WDR11: variants seen among roughly 807,000 people sequenced by gnomAD.
The protein encoded by WDR11 is WD repeat-containing protein 11.
In WDR11, 83 loss-of-function variants were observed where a neutral mutation model predicts 151.2. The ratio of observed to expected loss-of-function variants is 0.55; its 90% CI spans 0.46 to 0.66. The LOEUF is 0.66. Among genes scored for constraint, WDR11 ranks in the 30% least tolerant of loss-of-function variants. The pLI, the probability that WDR11 is intolerant of heterozygous loss-of-function variation, is 0.00. For missense variants in WDR11, 1,301 were observed against 1,480.9 expected, an observed-to-expected ratio of 0.88 and a Z score of 1.99; for synonymous variants, 484 against 533.1, an observed-to-expected ratio of 0.91 and a Z score of 1.27.
At chr10:120,898,771 G>GT (rs1173558640) in intron 19 of WDR11, among the ~76,000 whole-genome samples, 9 of 150,014 alleles carry the variant, frequency 6.0e-5, no homozygotes, top group Non-Finnish European at 1.2e-4. Flanking sequence ...TGCCATGATT[G>GT]TAAGTTTGCC....
Position 120,889,906 on chromosome 10 carries a change from C to A in WDR11, c.2240C>A (p.Thr747Lys), listed in dbSNP as rs141431609. The change falls in exon 18 of 29, where the codon ACA becomes AAA. Residue 747 changes from threonine to lysine, a missense_variant. Around this residue, in one of 3 missense-constraint regions of WDR11, gnomAD observed 589 missense variants for 670.6 expected, o/e 0.88. Coordinates refer to ENST00000263461, the MANE Select transcript of WDR11 (RefSeq NM_018117.12). ...LKGRVSRGIP[T>K]HRSWVRKIRF... Reference sequence around the variant, plus strand: ...TTCTTTGTCTTCAGAGGAATACCCACACACCGAAGTTGGGTGAGGAAGATT... The same window carrying A: ...TTCTTTGTCTTCAGAGGAATACCCAAACACCGAAGTTGGGTGAGGAAGATT... 1 of 1,613,398 alleles carries A rather than the reference C, an allele frequency of 6.2e-7. No homozygotes were observed. Among genetic ancestry groups the A allele is most frequent in the Non-Finnish European group, 8.5e-7 (1 of 1,179,368 alleles).
At chr10:120,855,582 A>G (rs1005823725) in intron 2 of WDR11, among the ~76,000 whole-genome samples, 2 of 152,036 alleles carry the variant, frequency 1.3e-5, no homozygotes, top group Admixed American at 6.5e-5. Context: ...GCTTTCTCCA[A>G]TATCAAGAAG....
At chr10:120,875,984 T>TC (rs1160882831) in intron 11 of WDR11, among the ~76,000 whole-genome samples, 7 of 148,048 alleles carry the variant, frequency 4.7e-5, no homozygotes, top group Middle Eastern at 3.5e-3. Context: ...TTTTCTTTTT[T>TC]TTTTTTTTTT....
intron 4 of WDR11, among the ~76,000 whole-genome samples, chr10:120,861,108 A>G (rs767338981): frequency 6.6e-6 from 1 of 152,226 alleles, no homozygotes; most frequent in Non-Finnish European, 1.5e-5. Flanking sequence ...TGGTCAAAGT[A>G]GGCTTCACTT....
At chr10:120,888,029 A>G (rs1847285086) in intron 16 of WDR11, among the ~76,000 whole-genome samples, 1 of 152,004 alleles carries the variant, frequency 6.6e-6, no homozygotes, top group African/African-American at 2.4e-5. Flanking sequence ...TACGGTATTC[A>G]GTGTGTGTGC....
At chr10:120,878,529 G>A (rs1846884419) in intron 12 of WDR11, 70 bp downstream of exon 12, 1 of 1,285,932 alleles carries the variant, frequency 7.8e-7, no homozygotes, top group African/African-American at 1.5e-5. Flanking sequence ...AAACATGTTT[G>A]AAAGTACTTC....
intron 19 of WDR11, 140 bp downstream of exon 19, chr10:120,891,027 C>T (rs1394945018): frequency 1.1e-6 from 1 of 896,732 alleles, no homozygotes; most frequent in Non-Finnish European, 1.7e-6. Context: ...AATATATTAA[C>T]TTGAAGCTTG....
At chr10:120,861,592 T>G (rs76467178) in intron 4 of WDR11, among the ~76,000 whole-genome samples, 1,999 of 152,312 alleles carry the variant, frequency 0.013, 17 homozygotes, top group Non-Finnish European at 0.018. Flanking sequence ...TGTAATTTGG[T>G]TGATGAAAGC....
At chr10:120,868,724 A>G (rs886877754) in intron 9 of WDR11, 11 of 152,300 alleles carry the variant, frequency 7.2e-5, no homozygotes, top group African/African-American at 2.4e-4. Flanking sequence ...GCTCCTTAGC[A>G]ATGGCCTCCA....
At chr10:120,892,535 A>G (rs1847461535) in intron 19 of WDR11, among the ~76,000 whole-genome samples, 1 of 151,102 alleles carries the variant, frequency 6.6e-6, no homozygotes, top group Admixed American at 6.6e-5. Flanking sequence ...GGTCTTGAGG[A>G]AAAAAAGTTT....
chr10:120,867,860 T>C (rs1357516853), intron 9 of WDR11, among the ~76,000 whole-genome samples: 2 of 152,216 alleles, frequency 1.3e-5, no homozygotes, highest in Non-Finnish European at 2.9e-5. Flanking sequence ...ATTATTTTTA[T>C]GTTGGGGATT....
intron 4 of WDR11, 141 bp from the exon 5 acceptor site, chr10:120,862,594 C>A: frequency 1.2e-6 from 1 of 861,878 alleles, no homozygotes; most frequent in Non-Finnish European, 1.9e-6. Flanking sequence ...AGAGAACATT[C>A]CCATTATGTT....
intron 9 of WDR11, among the ~76,000 whole-genome samples, chr10:120,870,327 A>G (rs1191574205): frequency 6.6e-6 from 1 of 152,116 alleles, no homozygotes; most frequent in Non-Finnish European, 1.5e-5. Context: ...GTGTGTAGAC[A>G]TGTATGTATA....
chr10:120,899,856 T>A (rs1206628552), intron 19 of WDR11, 173 bp from the exon 20 acceptor site: 2 of 627,004 alleles, frequency 3.2e-6, no homozygotes, highest in Non-Finnish European at 5.6e-6. Context: ...ATGCAGAGAC[T>A]CTCTCTGCTC....
rs188937654 is a variant in WDR11 at position 120,867,008 on chromosome 10, C to T, written c.1191-58C>T. ...AATCTGGACTTAATACTTTGAATTC[C>T]TAATACGTAATGCAGATTTTAAGTA... On this transcript the variant is annotated intron_variant, in intron 8 of 28. Coordinates refer to ENST00000263461, the MANE Select transcript of WDR11 (RefSeq NM_018117.12). 1.8e-5 allele frequency: 25 copies of T among 1,387,376 alleles called. No homozygotes were observed. The African/African-American group carries it at 3.1e-4, about 17-fold the overall frequency. 85.9% of individuals were successfully genotyped at this position (1,387,376 alleles called of 1,614,324 possible). A position where few individuals can be genotyped will look rare whatever the true frequency, so the allele number is the denominator to read the frequency against.
At chr10:120,888,016 T>G (rs1847284168) in intron 16 of WDR11, among the ~76,000 whole-genome samples, 1 of 152,170 alleles carries the variant, frequency 6.6e-6, no homozygotes, top group Non-Finnish European at 1.5e-5. Flanking sequence ...TTACCAGAGT[T>G]TTTACGGTAT....
At chr10:120,857,862 C>T (rs1047621758) in intron 2 of WDR11, among the ~76,000 whole-genome samples, 1 of 152,134 alleles carries the variant, frequency 6.6e-6, no homozygotes, top group Non-Finnish European at 1.5e-5. Context: ...ATGGAACTTA[C>T]AGTTGATGGA....
At chr10:120,861,868 T>G (rs1846151792) in intron 4 of WDR11, among the ~76,000 whole-genome samples, 1 of 152,186 alleles carries the variant, frequency 6.6e-6, no homozygotes. Context: ...TTTTGTTTCA[T>G]GTACACTTAG....
At chr10:120,866,421 T>C in intron 7 of WDR11, 148 bp from the exon 8 acceptor site, 1 of 811,504 alleles carries the variant, frequency 1.2e-6, no homozygotes, top group Non-Finnish European at 2.0e-6. Context: ...AAAAATTTAG[T>C]AGTAATTGTA....
Sources: gnomAD v4.1 joint callset for allele counts (sites outside exome capture counted in the v4.1 genomes callset) on GRCh38, gnomAD v4.1.1 for gene constraint, gnomAD v4.1.1 regional missense constraint, MANE v1.5 for transcripts, NCBI Gene and HGNC (gene_info 2026-07-23, HGNC 2026-07-21) for gene names.